The following CFAP299 variants were observed in gnomAD, a reference collection of about 807,000 sequenced individuals.
CFAP299 encodes cilia- and flagella-associated protein 299.
A neutral mutation model predicts 27.0 loss-of-function variants in CFAP299; 21 were observed. The observed-to-expected ratio is 0.78, with a 90% CI of 0.55 to 1.12. The LOEUF is 1.12. Among genes scored for constraint, CFAP299 ranks in the 50% most tolerant of loss-of-function variants. The probability of loss-of-function intolerance (pLI) is 0.00; values close to 1 mark genes in which losing one functional copy is unlikely to be tolerated. For synonymous variants in CFAP299, 104 were observed against 98.1 expected (o/e 1.06, Z -0.36); for missense variants, 310 against 276.6 (o/e 1.12, Z -0.86).
intron 2 of CFAP299, among the ~76,000 whole-genome samples, chr4:80,535,351 C>T (rs1347706676): frequency 1.4e-5 from 1 of 72,178 alleles, no homozygotes; most frequent in Non-Finnish European, 2.4e-5. Context: ...TTCAATTAGC[C>T]GGGCGTAGTG....
chr4:80,356,036 G>T (rs944023137), intron 1 of CFAP299, among the ~76,000 whole-genome samples: 1 of 151,284 alleles, frequency 6.6e-6, no homozygotes, highest in Non-Finnish European at 1.5e-5. Context: ...AATGGGTCCA[G>T]TTTCAATTTT....
chr4:80,365,625 G>A (rs909748964), intron 2 of CFAP299, among the ~76,000 whole-genome samples: 2 of 152,202 alleles, frequency 1.3e-5, no homozygotes, highest in African/African-American at 2.4e-5. Context: ...TGTGTACAAT[G>A]TAATGTTTGA....
intron 3 of CFAP299, among the ~76,000 whole-genome samples, chr4:80,660,890 T>C (rs1158841211): frequency 1.3e-5 from 2 of 152,034 alleles, no homozygotes; most frequent in Admixed American, 6.6e-5. Context: ...GTGAAAAAAA[T>C]GTCTGGATCA....
intron 2 of CFAP299, among the ~76,000 whole-genome samples, chr4:80,465,720 A>C (rs747747199): frequency 2.7e-4 from 41 of 152,354 alleles, no homozygotes; most frequent in Non-Finnish European, 5.6e-4. Flanking sequence ...TAAAAAACTA[A>C]ACCAAACAGA....
At chr4:80,657,721 G>C (rs1740635350) in intron 3 of CFAP299, among the ~76,000 whole-genome samples, 1 of 151,816 alleles carries the variant, frequency 6.6e-6, no homozygotes, top group African/African-American at 2.4e-5. Context: ...GCTCTTTTTT[G>C]GGTTCCATAT....
intron 2 of CFAP299, among the ~76,000 whole-genome samples, chr4:80,501,947 G>T (rs897138904): frequency 9.9e-5 from 15 of 151,832 alleles, no homozygotes; most frequent in Non-Finnish European, 2.9e-5. Flanking sequence ...TTAGCTTATG[G>T]TAAATAATTT....
chr4:80,465,883 T>A (rs1022278822), intron 2 of CFAP299, among the ~76,000 whole-genome samples: 1 of 152,174 alleles, frequency 6.6e-6, no homozygotes, highest in African/African-American at 2.4e-5. Context: ...AGAAAAGGAA[T>A]GCTGAAGGAA....
chr4:80,400,819 A>T (rs1236693178), intron 2 of CFAP299, among the ~76,000 whole-genome samples: 1 of 152,250 alleles, frequency 6.6e-6, no homozygotes, highest in African/African-American at 2.4e-5. Flanking sequence ...AAAGTCAGGA[A>T]AATGTGAGAA....
intron 3 of CFAP299, among the ~76,000 whole-genome samples, chr4:80,851,809 G>A (rs963358064): frequency 1.3e-5 from 2 of 152,056 alleles, no homozygotes; most frequent in Non-Finnish European, 1.5e-5. Flanking sequence ...ATGACATCAC[G>A]GATCTTGGCT....
chr4:80,868,522 A>G (rs1732880403), intron 3 of CFAP299, among the ~76,000 whole-genome samples: 1 of 152,090 alleles, frequency 6.6e-6, no homozygotes, highest in African/African-American at 2.4e-5. Context: ...TCTATCTCTG[A>G]AAGGGTAGAA....
At chr4:80,546,554 A>G (rs554266613) in intron 2 of CFAP299, among the ~76,000 whole-genome samples, 1 of 152,260 alleles carries the variant, frequency 6.6e-6, no homozygotes, top group East Asian at 1.9e-4. Flanking sequence ...TCCAAATCTC[A>G]TGTTGAAATG....
At chr4:80,547,636 G>A (rs940986729) in intron 2 of CFAP299, among the ~76,000 whole-genome samples, 1 of 152,016 alleles carries the variant, frequency 6.6e-6, no homozygotes, top group Non-Finnish European at 1.5e-5. Flanking sequence ...TCCAACAAAG[G>A]TCTAGTAGCC....
chr4:80,891,012 C>T (rs1174639425), intron 4 of CFAP299, among the ~76,000 whole-genome samples: 1 of 151,962 alleles, frequency 6.6e-6, no homozygotes. Context: ...TTGTAGGTTG[C>T]CTGTTCACTC....
intron 2 of CFAP299, among the ~76,000 whole-genome samples, chr4:80,438,016 G>A (rs747052989): frequency 7.9e-5 from 12 of 152,142 alleles, no homozygotes; most frequent in Non-Finnish European, 1.5e-4. Flanking sequence ...ATTGAGAAGT[G>A]AACAAAACAG....
At chr4:80,520,473 T>G (rs1233122221) in intron 2 of CFAP299, among the ~76,000 whole-genome samples, 3 of 152,218 alleles carry the variant, frequency 2.0e-5, no homozygotes, top group Non-Finnish European at 2.9e-5. Context: ...TTCCTTAAAG[T>G]ACTTCCCCTC....
chr4:80,819,957 C>T (rs1729615832), intron 3 of CFAP299, among the ~76,000 whole-genome samples: 1 of 152,044 alleles, frequency 6.6e-6, no homozygotes, highest in Non-Finnish European at 1.5e-5. Context: ...ACCTTTTTCC[C>T]CTTCTTATGT....
At chr4:80,790,183 C>T (rs1727474686) in intron 3 of CFAP299, among the ~76,000 whole-genome samples, 1 of 151,992 alleles carries the variant, frequency 6.6e-6, no homozygotes, top group South Asian at 2.1e-4. Flanking sequence ...ACCACCAGGT[C>T]TACTTTAAAT....
intron 2 of CFAP299, among the ~76,000 whole-genome samples, chr4:80,477,078 G>T (rs1197256620): frequency 6.6e-6 from 1 of 151,814 alleles, no homozygotes; most frequent in Non-Finnish European, 1.5e-5. Context: ...TTGAGACAGG[G>T]TCTCATTCTG....
chr4:80,460,258 G>A lies in CFAP299; in HGVS notation c.242+97374G>A, dbSNP rs576998120. 2.0e-5 allele frequency among the ~76,000 whole-genome samples: 3 copies of A among 152,238 alleles called. No individual in the cohort carries two copies. The South Asian group carries it at 6.2e-4, about 32-fold the overall frequency. On this transcript the variant is annotated intron_variant, in intron 2 of 5. Coordinates refer to ENST00000358105, the MANE Select transcript of CFAP299 (RefSeq NM_152770.3). ...CTGGACACTGGAGTTTGGGGTAGGA[G>A]GGGTAGGGGGAGCCGGTGTGCCAGG...
Sources: gnomAD v4.1 joint callset for allele counts (sites outside exome capture counted in the v4.1 genomes callset) on GRCh38, gnomAD v4.1.1 for gene constraint, MANE v1.5 for transcripts, NCBI Gene and HGNC (gene_info 2026-07-23, HGNC 2026-07-21) for gene names.